The following PAX5 variants were observed in gnomAD, a reference collection of about 807,000 sequenced individuals.
PAX5 encodes paired box protein Pax-5.
PAX5 carries 9 observed loss-of-function variants against 43.7 expected under a neutral mutation model. The ratio of observed to expected loss-of-function variants is 0.21; its 90% CI spans 0.12 to 0.36. The LOEUF (loss-of-function observed/expected upper bound fraction) is 0.36, where lower values mean the gene tolerates loss of function less well. Among genes scored for constraint, PAX5 ranks in the 10% least tolerant of loss-of-function variants. The pLI, the probability that PAX5 is intolerant of heterozygous loss-of-function variation, is 1.00. For synonymous variants in PAX5, 228 were observed against 214.3 expected, an observed-to-expected ratio of 1.06 and a Z score of -0.56; for missense variants, 383 against 532.7, an observed-to-expected ratio of 0.72 and a Z score of 2.77.
intron 8 of PAX5, among the ~76,000 whole-genome samples, chr9:36,879,072 C>A (rs1287012930): frequency 1.3e-5 from 2 of 152,216 alleles, no homozygotes; most frequent in Non-Finnish European, 2.9e-5. Context: ...CTTGTTTCCT[C>A]CCTCCACACT....
intron 7 of PAX5, among the ~76,000 whole-genome samples, chr9:36,915,680 A>G (rs922842848): frequency 3.9e-5 from 6 of 152,102 alleles, no homozygotes; most frequent in Non-Finnish European, 7.3e-5. Flanking sequence ...TTCCATATAC[A>G]TACAAAAGAT....
At chr9:36,896,055 C>T (rs1387301373) in intron 7 of PAX5, among the ~76,000 whole-genome samples, 1 of 152,164 alleles carries the variant, frequency 6.6e-6, no homozygotes, top group Non-Finnish European at 1.5e-5. Context: ...TGATGCCCAA[C>T]CCCAGGCCAC....
chr9:36,881,857 A>G, intron 8 of PAX5, 147 bp downstream of exon 8: 1 of 672,522 alleles, frequency 1.5e-6, no homozygotes, highest in Non-Finnish European at 2.6e-6. Context: ...CTGCAGGCCC[A>G]GCTGCAGAGA....
intron 7 of PAX5, among the ~76,000 whole-genome samples, chr9:36,892,095 C>T (rs1827448166): frequency 6.6e-6 from 1 of 152,184 alleles, no homozygotes; most frequent in African/African-American, 2.4e-5. Flanking sequence ...AACTGTTGAG[C>T]CAACTTAATG....
chr9:36,884,154 C>T (rs956218289), intron 7 of PAX5, among the ~76,000 whole-genome samples: 6 of 152,158 alleles, frequency 3.9e-5, no homozygotes, highest in Non-Finnish European at 5.9e-5. Flanking sequence ...TTCATTTCTC[C>T]AAGCTAGCAT....
At chr9:36,972,618 C>T (rs1835012197) in intron 5 of PAX5, among the ~76,000 whole-genome samples, 1 of 152,158 alleles carries the variant, frequency 6.6e-6, no homozygotes, top group Non-Finnish European at 1.5e-5. Context: ...CTTGAATGAG[C>T]ACTCCTGTGA....
chr9:36,839,212 A>T lies in PAX5; in HGVS notation c.*1348T>A. The T allele has an allele frequency of 4.3e-6, 1 of 233,572 alleles. No individual in the cohort carries two copies. The highest frequency in any genetic ancestry group is 6.0e-5 in the East Asian group (1 of 16,582). 14.5% of individuals were successfully genotyped at this position (233,572 alleles called of 1,614,324 possible). A position where few individuals can be genotyped will look rare whatever the true frequency, so the allele number is the denominator to read the frequency against. On this transcript the variant is annotated 3_prime_UTR_variant, in exon 10 of 10. Transcript: ENST00000358127. ...CAGGAGGCCTTCCTCTGTCCCCCAG[A>T]TCTTCCCTGCTGGCTTCCTCTGACC...
intron 7 of PAX5, among the ~76,000 whole-genome samples, chr9:36,916,081 G>GC (rs2131930994): frequency 6.6e-6 from 1 of 151,136 alleles, no homozygotes; most frequent in East Asian, 1.9e-4. Context: ...ATCCCTTGAG[G>GC]TTTTTTTTGT....
chr9:36,863,848 C>T (rs4880021), intron 8 of PAX5, among the ~76,000 whole-genome samples: 17,488 of 152,222 alleles, frequency 0.11, 1,037 homozygotes, highest in African/African-American at 0.14. Flanking sequence ...CAGTGGCTCA[C>T]GCCTCCAATC....
chr9:36,887,878 C>G (rs1827033375), intron 7 of PAX5, among the ~76,000 whole-genome samples: 1 of 152,132 alleles, frequency 6.6e-6, no homozygotes, highest in African/African-American at 2.4e-5. Flanking sequence ...AATCATATGT[C>G]TGATAAAGGA....
rs72735662 is a variant in PAX5 at position 36,985,156 on chromosome 9, G to T, written c.604+17492C>A. 8.1e-4 allele frequency among the ~76,000 whole-genome samples: 124 copies of T among 152,302 alleles called. No individual in the cohort carries two copies. In the East Asian group the frequency reaches 0.018, roughly 22 times the overall value. ...GGCATCAGTTTGTCCGTCTTCAAAT[G>T]GGGGGTGGGGTGGTGATTGTCACCG... On this transcript the variant is annotated intron_variant, in intron 5 of 9. Coordinates refer to ENST00000358127, the MANE Select transcript of PAX5 (RefSeq NM_016734.3).
intron 5 of PAX5, among the ~76,000 whole-genome samples, chr9:36,977,997 T>C (rs1835593974): frequency 6.6e-6 from 1 of 152,228 alleles, no homozygotes. Context: ...TCCCTCTCTG[T>C]CGAGCTGTTC....
At position 36,839,004 on chromosome 9, in the gene PAX5, C is replaced by A. The variant is rs1821838827; in HGVS notation, c.*1556G>T. ...ATTGTCACCTAAGAAGGCCAAGCCC[C>A]CTCTCATCACTGTCATTCAGCCCAG... On this transcript the variant is annotated 3_prime_UTR_variant, in exon 10 of 10. Transcript: ENST00000358127. 4 of 233,226 alleles carry A rather than the reference C, an allele frequency of 1.7e-5. No homozygotes were observed. The Admixed American group carries it at 2.2e-4, about 13-fold the overall frequency. 14.4% of individuals were successfully genotyped at this position (233,226 alleles called of 1,614,324 possible). A position where few individuals can be genotyped will look rare whatever the true frequency, so the allele number is the denominator to read the frequency against.
chr9:36,867,657 C>T (rs574760155), intron 8 of PAX5, among the ~76,000 whole-genome samples: 2 of 152,310 alleles, frequency 1.3e-5, no homozygotes, highest in Non-Finnish European at 2.9e-5. Flanking sequence ...GCTCTTCAGG[C>T]GAAGGGTATG....
chr9:36,847,428 C>T (rs1456299396), intron 8 of PAX5, among the ~76,000 whole-genome samples: 1 of 152,202 alleles, frequency 6.6e-6, no homozygotes, highest in Non-Finnish European at 1.5e-5. Flanking sequence ...TAACCTCAAC[C>T]CTAGCCTGGC....
At chr9:36,887,024 C>G (rs1028526097) in intron 7 of PAX5, among the ~76,000 whole-genome samples, 6 of 152,194 alleles carry the variant, frequency 3.9e-5, no homozygotes, top group Non-Finnish European at 7.3e-5. Flanking sequence ...GGATCTGCCC[C>G]TGTTGTATAC....
chr9:36,860,434 C>T (rs73648142), intron 8 of PAX5, among the ~76,000 whole-genome samples: 1,530 of 152,198 alleles, frequency 0.01, 26 homozygotes, highest in African/African-American at 0.035. Flanking sequence ...CGGGGGGAGG[C>T]AGATGGTAAT....
intron 6 of PAX5, among the ~76,000 whole-genome samples, chr9:36,946,367 A>G (rs546406600): frequency 6.6e-6 from 1 of 152,194 alleles, no homozygotes; most frequent in South Asian, 2.1e-4. Flanking sequence ...TTTCATGGGA[A>G]CCACTGAGAG....
chr9:36,924,762 A>AAAGAGAAAG (rs1563973371), intron 6 of PAX5, among the ~76,000 whole-genome samples: 25 of 81,882 alleles, frequency 3.1e-4, no homozygotes, highest in African/African-American at 9.7e-4. Context: ...GAAGGAAGGA[A>AAAGAGAAAG]GGAAGGAAGG....
Sources: gnomAD v4.1 joint callset for allele counts (sites outside exome capture counted in the v4.1 genomes callset) on GRCh38, gnomAD v4.1.1 for gene constraint, MANE v1.5 for transcripts, NCBI Gene and HGNC (gene_info 2026-07-23, HGNC 2026-07-21) for gene names.